Variants in SMIM35 observed in about 807,000 individuals in gnomAD.
SMIM35 encodes TMPRSS4 antisense RNA 1 (non-protein coding).
At chr11:118,023,900 T>C (rs1224790990) in intron 1 of SMIM35, among the ~76,000 whole-genome samples, 1 of 151,726 alleles carries the variant, frequency 6.6e-6, no homozygotes, top group Non-Finnish European at 1.5e-5. Context: ...CCAGGTGTGG[T>C]GGCGTGTGCC....
At chr11:118,070,242 C>T (rs1483020578) in intron 1 of SMIM35, among the ~76,000 whole-genome samples, 1 of 152,062 alleles carries the variant, frequency 6.6e-6, no homozygotes, top group Non-Finnish European at 1.5e-5. Context: ...AATGGTGCGA[C>T]CTCGGCTCAC....
intron 1 of SMIM35, among the ~76,000 whole-genome samples, chr11:118,068,602 C>T (rs1392371820): frequency 1.3e-5 from 2 of 152,220 alleles, no homozygotes; most frequent in East Asian, 3.8e-4. Flanking sequence ...ACCCACCCCT[C>T]TGCAGGCAGC....
Position 118,082,693 on chromosome 11 carries a change from T to G in SMIM35, c.7+4058A>C, listed in dbSNP as rs75711131. On this transcript the variant is annotated intron_variant, in intron 1 of 4. Coordinates refer to ENST00000689828, the MANE Select transcript of SMIM35 (RefSeq NM_001394165.1). ...ACTTTCAAGAAGACTAAACTAAAGT[T>G]TCATACCCAATGCTGCTCAGGGAAA... Among the ~76,000 whole-genome samples the G allele has an allele frequency of 2.3e-3, 345 of 152,196 alleles. 2 individuals carry two copies. The highest frequency in any genetic ancestry group is 7.4e-3 in the African/African-American group (308 of 41,524).
At chr11:118,076,141 C>T (rs950435892) in intron 1 of SMIM35, among the ~76,000 whole-genome samples, 1 of 152,232 alleles carries the variant, frequency 6.6e-6, no homozygotes, top group Non-Finnish European at 1.5e-5. Context: ...TGGCGCACAA[C>T]ACCTGTAATC....
At chr11:118,024,257 C>A (rs564307055) in intron 1 of SMIM35, among the ~76,000 whole-genome samples, 1 of 151,494 alleles carries the variant, frequency 6.6e-6, no homozygotes, top group Admixed American at 6.6e-5. Context: ...TATCATAACT[C>A]TTTTTTTATT....
intron 1 of SMIM35, among the ~76,000 whole-genome samples, chr11:118,075,831 G>C (rs1944665751): frequency 6.6e-6 from 1 of 152,180 alleles, no homozygotes; most frequent in Admixed American, 6.5e-5. Flanking sequence ...ATTTAGTTTT[G>C]TCGCCCACAG....
chr11:118,024,763 G>A (rs1228902940), intron 1 of SMIM35, among the ~76,000 whole-genome samples: 10 of 152,222 alleles, frequency 6.6e-5, no homozygotes, highest in African/African-American at 2.2e-4. Context: ...ATGAGCCACC[G>A]TGCCCAGCCT....
At chr11:118,038,207 G>C (rs11216718) in intron 1 of SMIM35, among the ~76,000 whole-genome samples, 1 of 152,180 alleles carries the variant, frequency 6.6e-6, no homozygotes, top group Non-Finnish European at 1.5e-5. Context: ...GGCAGGCTTC[G>C]GGCGTGAACT....
chr11:118,031,150 T>G (rs1296140958), intron 1 of SMIM35, among the ~76,000 whole-genome samples: 1 of 152,174 alleles, frequency 6.6e-6, no homozygotes, highest in African/African-American at 2.4e-5. Flanking sequence ...AATTTCGTGG[T>G]GTTAGATTGG....
intron 1 of SMIM35, among the ~76,000 whole-genome samples, chr11:118,029,313 AG>A (rs2058299414): frequency 6.6e-6 from 1 of 152,200 alleles, no homozygotes; most frequent in South Asian, 2.1e-4. Context: ...AAAAGTAGCT[AG>A]GCATGGTGGC....
At chr11:118,035,228 AT>A (rs144909362) in intron 1 of SMIM35, among the ~76,000 whole-genome samples, 2,447 of 152,252 alleles carry the variant, frequency 0.016, 108 homozygotes, top group East Asian at 0.11. Context: ...CCCGTCTGAA[AT>A]TTAAACAACT....
At chr11:118,048,107 G>A (rs562117481) in intron 1 of SMIM35, among the ~76,000 whole-genome samples, 57 of 152,160 alleles carry the variant, frequency 3.7e-4, no homozygotes, top group African/African-American at 1.1e-3. Flanking sequence ...TAATAGCTAT[G>A]CATTTATTTT....
chr11:118,008,406 C>T (rs748932355), intron 4 of SMIM35, among the ~76,000 whole-genome samples: 7 of 152,334 alleles, frequency 4.6e-5, no homozygotes, highest in African/African-American at 4.8e-5. Flanking sequence ...GAGTGGAGCA[C>T]CAGAGACTCT....
intron 1 of SMIM35, among the ~76,000 whole-genome samples, chr11:118,085,029 C>T (rs1945435348): frequency 6.6e-6 from 1 of 152,142 alleles, no homozygotes; most frequent in African/African-American, 2.4e-5. Context: ...CCAGATGGGG[C>T]TCCTGGGGGC....
intron 1 of SMIM35, among the ~76,000 whole-genome samples, chr11:118,071,190 A>G (rs1464565948): frequency 6.6e-6 from 1 of 152,078 alleles, no homozygotes; most frequent in Non-Finnish European, 1.5e-5. Flanking sequence ...CCCTACCCTC[A>G]AGTCAGGCAT....
At chr11:118,077,133 G>A (rs1220151354) in intron 1 of SMIM35, 2 of 651,388 alleles carry the variant, frequency 3.1e-6, no homozygotes, top group African/African-American at 1.9e-5. Context: ...AGGATGCTGG[G>A]CGTGAGGGAC....
chr11:118,039,302 G>A (rs12223165), intron 1 of SMIM35, among the ~76,000 whole-genome samples: 6,069 of 152,252 alleles, frequency 0.04, 205 homozygotes, highest in East Asian at 0.19. Flanking sequence ...GGTGGGAGAC[G>A]TATAACATTA....
At chr11:118,052,881 C>T (rs1208060032) in intron 1 of SMIM35, among the ~76,000 whole-genome samples, 1 of 152,174 alleles carries the variant, frequency 6.6e-6, no homozygotes, top group Non-Finnish European at 1.5e-5. Context: ...GCTGCCACCA[C>T]GCTCAGCATG....
chr11:118,029,769 G>C, intron 1 of SMIM35: 1 of 457,262 alleles, frequency 2.2e-6, no homozygotes, highest in Non-Finnish European at 4.4e-6. Context: ...CCCTTTCCCA[G>C]AGGTCTGAGG....
Sources: gnomAD v4.1 joint callset for allele counts (sites outside exome capture counted in the v4.1 genomes callset) on GRCh38, gnomAD v4.1.1 for gene constraint, MANE v1.5 for transcripts, NCBI Gene and HGNC (gene_info 2026-07-23, HGNC 2026-07-21) for gene names.